The following CWC25 variants were observed in gnomAD, a reference collection of about 807,000 sequenced individuals.
CWC25 encodes the protein pre-mRNA-splicing factor CWC25 homolog.
In CWC25, 31 loss-of-function variants were observed where a neutral mutation model predicts 54.6. The ratio of observed to expected loss-of-function variants is 0.57; its 90% CI spans 0.43 to 0.77. The LOEUF (loss-of-function observed/expected upper bound fraction) is 0.77. Ranked by LOEUF, CWC25 falls within the 30% of genes least tolerant of loss-of-function variation. The probability of loss-of-function intolerance (pLI) is 0.00; values close to 1 mark genes in which losing one functional copy is unlikely to be tolerated. For synonymous variants in CWC25, 151 were observed against 187.0 expected (o/e 0.81, Z 1.57); for missense variants, 453 against 529.3 (o/e 0.86, Z 1.41).
At chr17:38,825,139 C>A in intron 1 of CWC25, 27 bp downstream of exon 1, 1 of 1,511,914 alleles carries the variant, frequency 6.6e-7, no homozygotes, top group Non-Finnish European at 8.9e-7. Context: ...CCTCAGTCCT[C>A]CCCCGCCCAG....
At position 38,805,748 on chromosome 17, in the gene CWC25, C is replaced by G. The variant is rs58831619; in HGVS notation, c.1001+549G>C. Reference sequence around the variant, plus strand: ...CTTGACCTTAAGTGATCCTCCCTGCCTTAGCCTCCCAAAGCGCTGAGATTA... The same window carrying G: ...CTTGACCTTAAGTGATCCTCCCTGCGTTAGCCTCCCAAAGCGCTGAGATTA... On this transcript the variant is annotated intron_variant, in intron 8 of 9. Coordinates refer to ENST00000614790, the MANE Select transcript of CWC25 (RefSeq NM_017748.5). Among the ~76,000 whole-genome samples the G allele has an allele frequency of 4.2e-3, 637 of 152,214 alleles. 7 individuals are homozygous for G. The highest frequency in any genetic ancestry group is 0.015 in the African/African-American group (618 of 41,540).
At position 38,802,914 on chromosome 17, in the gene CWC25, A is replaced by C. The variant is rs1453732709; in HGVS notation, c.1002-53T>G. On this transcript the variant is annotated intron_variant, in intron 8 of 9. Coordinates refer to ENST00000614790, the MANE Select transcript of CWC25 (RefSeq NM_017748.5). ...GGTCTCTTCCAGCAAAAAAACCAGA[A>C]GCAGCACAAGAAGCACAGAAGCCAG... The C allele has an allele frequency of 3.1e-6, 5 of 1,605,954 alleles. No individual in the cohort carries two copies. In the East Asian group the frequency reaches 8.9e-5, roughly 29 times the overall value.
Position 38,812,841 on chromosome 17 carries a change from C to T in CWC25, c.452G>A (p.Arg151Gln), listed in dbSNP as rs781442891. Residue 151 changes from arginine to glutamine, a missense_variant, in exon 4 of 10, where the codon CGA becomes CAA. Physicochemically the swap from Arg to Gln is conservative, Grantham distance 43. Transcript: ENST00000614790. ...IIRKKEEEKK[R>Q]EVLNNPVKMK... ...TTTCACTGGATTATTTAATACCTCTCGTTTTTTCTCCTCCTCCTTCTTCCT... is the reference window on the plus strand; with the variant it reads ...TTTCACTGGATTATTTAATACCTCTTGTTTTTTCTCCTCCTCCTTCTTCCT... 1.5e-5 allele frequency: 23 copies of T among 1,523,894 alleles called. No individual in the cohort carries two copies. Among genetic ancestry groups the T allele is most frequent in the East Asian group, 4.9e-5 (2 of 40,782 alleles). 94.4% of individuals were successfully genotyped at this position (1,523,894 alleles called of 1,614,324 possible).
At chr17:38,821,766 C>T (rs1452357104) in intron 1 of CWC25, among the ~76,000 whole-genome samples, 1 of 149,604 alleles carries the variant, frequency 6.7e-6, no homozygotes, top group Non-Finnish European at 1.5e-5. Flanking sequence ...GCACTTCTGA[C>T]AGTGGACATT....
intron 1 of CWC25, among the ~76,000 whole-genome samples, chr17:38,822,905 T>C (rs1484306461): frequency 6.6e-6 from 1 of 150,814 alleles, no homozygotes; most frequent in Non-Finnish European, 1.5e-5. Flanking sequence ...TGGCGCAATC[T>C]TGGCTCACTG....
chr17:38,815,901 A>G (rs1179809588), intron 2 of CWC25, among the ~76,000 whole-genome samples: 1 of 152,210 alleles, frequency 6.6e-6, no homozygotes, highest in Non-Finnish European at 1.5e-5. Flanking sequence ...GGAAAAAATC[A>G]GAGGTAACTG....
chr17:38,805,759 A>AAAGCGCTG (rs1911211330), intron 8 of CWC25, among the ~76,000 whole-genome samples: 1 of 152,182 alleles, frequency 6.6e-6, no homozygotes, highest in East Asian at 1.9e-4. Context: ...TTAGCCTCCC[A>AAAGCGCTG]AAGCGCTGAG....
chr17:38,823,969 A>G (rs74508811), intron 1 of CWC25, among the ~76,000 whole-genome samples: 3,228 of 152,288 alleles, frequency 0.021, 41 homozygotes, highest in South Asian at 0.052. Context: ...CCAAACTGTC[A>G]AGAGCGCTAA....
At chr17:38,802,994 A>T in intron 8 of CWC25, 133 bp from the exon 9 acceptor site, 1 of 988,540 alleles carries the variant, frequency 1.0e-6, no homozygotes, top group South Asian at 1.6e-5. Context: ...GGCCAGCCTG[A>T]GTTCCCTTCT....
intron 3 of CWC25, among the ~76,000 whole-genome samples, chr17:38,814,292 A>AT (rs1365963715): frequency 1.4e-4 from 20 of 143,236 alleles, no homozygotes; most frequent in African/African-American, 4.9e-4. Flanking sequence ...TTTTATTTTT[A>AT]TTTTTTTTTG....
chr17:38,812,892 G>T (rs1026712598), intron 3 of CWC25, 28 bp from the exon 4 acceptor site: 51 of 1,276,516 alleles, frequency 4.0e-5, no homozygotes, highest in Non-Finnish European at 5.3e-5. Flanking sequence ...CAAAATTCAT[G>T]ACTATTTCTT....
rs773119197 is a variant in CWC25 at position 38,809,734 on chromosome 17, CAG to C, written c.656_657del (p.Pro219ArgfsTer16). ...CCATATCCAGGGACTTTGGACAAAACAGGGGAGGAATTTGCCATCTTCTTCTG... is the reference window on the plus strand; with the variant it reads ...CCATATCCAGGGACTTTGGACAAAACGGGAGGAATTTGCCATCTTCTTCTG... ...RSQKKMANSS[P>X]VLSKVPGYGL... On this transcript the variant is annotated frameshift_variant, in exon 6 of 10. Coordinates refer to ENST00000614790, the MANE Select transcript of CWC25 (RefSeq NM_017748.5). LOFTEE classifies it high-confidence loss of function. The C allele has an allele frequency of 1.4e-5, 23 of 1,613,738 alleles. No homozygotes were observed. Among genetic ancestry groups the C allele is most frequent in the East Asian group, 2.2e-5 (1 of 44,886 alleles).
At chr17:38,804,047 G>A (rs1911130924) in intron 8 of CWC25, among the ~76,000 whole-genome samples, 1 of 152,042 alleles carries the variant, frequency 6.6e-6, no homozygotes, top group Non-Finnish European at 1.5e-5. Context: ...CTTGTAGGGA[G>A]AAGAAAGAAG....
rs569189633 is a variant in CWC25, at chr17:38,802,084, G to A, written c.*8C>T. The A allele has an allele frequency of 1.3e-6, 2 of 1,552,024 alleles. No individual in the cohort carries two copies. The highest frequency in any genetic ancestry group is 1.4e-5 in the African/African-American group (1 of 73,710). Reference sequence around the variant, plus strand: ...ATGCAGGAAAACCAATAAGAGAGGGGACAGTTTTCATCTTTTCATAAAGTT... The same window carrying A: ...ATGCAGGAAAACCAATAAGAGAGGGAACAGTTTTCATCTTTTCATAAAGTT... On this transcript the variant is annotated 3_prime_UTR_variant, in exon 10 of 10. Transcript: ENST00000614790.
chr17:38,823,034 TTCACCG>T (rs1467156312), intron 1 of CWC25, among the ~76,000 whole-genome samples: 2 of 151,694 alleles, frequency 1.3e-5, no homozygotes, highest in African/African-American at 4.8e-5. Flanking sequence ...AGAGACGGGT[TTCACCG>T]TGTTAGCCAT....
At chr17:38,818,588 C>CAAAAAAAAAAAA (rs56382375) in intron 2 of CWC25, among the ~76,000 whole-genome samples, 2 of 48,500 alleles carry the variant, frequency 4.1e-5, no homozygotes, top group South Asian at 1.4e-3. Flanking sequence ...GACTCCATCT[C>CAAAAAAAAAAAA]AAAAAAAAAA....
At chr17:38,810,310 G>C in intron 5 of CWC25, 158 bp downstream of exon 5, 1 of 717,050 alleles carries the variant, frequency 1.4e-6, no homozygotes, top group East Asian at 2.9e-5. Context: ...GCATTAGATG[G>C]CAAGCTCTGT....
At position 38,802,772 on chromosome 17, in the gene CWC25, T is replaced by C. The variant is rs754545680; in HGVS notation, c.1091A>G (p.Lys364Arg). ...CCGTTCCTCATCCTTAGCATGCCTC[T>C]TGAGGATGTTCAGTCTCTCCTCCTC... ...WREEERLNIL[K>R]RHAKDEEREQ... Residue 364 changes from lysine to arginine, a missense_variant, in exon 9 of 10, where the codon AAG becomes AGG. Physicochemically the swap from Lys to Arg is conservative, Grantham distance 26. This residue lies in a region of CWC25 where 444 missense variants were observed against 499.2 expected (regional missense o/e 0.89). Transcript: ENST00000614790. 16 of 1,614,046 alleles carry C rather than the reference T, an allele frequency of 9.9e-6. 1 individual carries two copies. In the South Asian group the frequency reaches 1.6e-4, roughly 17 times the overall value.
chr17:38,822,561 C>T (rs1035716327), intron 1 of CWC25, among the ~76,000 whole-genome samples: 1 of 152,146 alleles, frequency 6.6e-6, no homozygotes, highest in African/African-American at 2.4e-5. Flanking sequence ...GGTTCACTTT[C>T]CCAATAATGA....
Sources: gnomAD v4.1 joint callset for allele counts (sites outside exome capture counted in the v4.1 genomes callset) on GRCh38, gnomAD v4.1.1 for gene constraint, gnomAD v4.1.1 regional missense constraint, MANE v1.5 for transcripts, NCBI Gene and HGNC (gene_info 2026-07-23, HGNC 2026-07-21) for gene names.